The following CGNL1 variants were observed in gnomAD, a reference collection of about 807,000 sequenced individuals.
The protein encoded by CGNL1 is cingulin like 1, also known as cingulin-like protein 1.
Under a neutral mutation model 141.2 loss-of-function variants are expected in CGNL1, and 132 were observed. That is an observed-to-expected ratio of 0.93 (90% confidence interval 0.81 to 1.08). The LOEUF (loss-of-function observed/expected upper bound fraction) is 1.08, where lower values mean the gene tolerates loss of function less well. CGNL1 is among the 50% of genes least tolerant of loss of function. CGNL1 has a pLI of 0.00. For synonymous variants in CGNL1, 690 were observed against 622.1 expected, an observed-to-expected ratio of 1.11 and a Z score of -1.63; for missense variants, 1,870 against 1,588.6, an observed-to-expected ratio of 1.18 and a Z score of -3.01.
chr15:57,539,058 T>A (rs557060201), intron 14 of CGNL1, among the ~76,000 whole-genome samples: 3 of 152,176 alleles, frequency 2.0e-5, no homozygotes, highest in Non-Finnish European at 4.4e-5. Flanking sequence ...GAGGGGCTCT[T>A]GATTCTTGGT....
chr15:57,455,763 A>AG (rs1595722635), intron 7 of CGNL1, among the ~76,000 whole-genome samples: 2 of 152,284 alleles, frequency 1.3e-5, no homozygotes, highest in East Asian at 3.9e-4. Context: ...ATATCTATTA[A>AG]CTGAACATCA....
intron 14 of CGNL1, among the ~76,000 whole-genome samples, chr15:57,541,363 C>A (rs2032554738): frequency 1.3e-5 from 2 of 152,248 alleles, no homozygotes; most frequent in East Asian, 1.9e-4. Flanking sequence ...GTTCTGCTGA[C>A]CTCCATGTGT....
chr15:57,429,656 A>G (rs1664430), intron 1 of CGNL1, among the ~76,000 whole-genome samples: 144,155 of 152,296 alleles, frequency 0.95, 68,387 homozygotes, highest in Middle Eastern at 0.99. Flanking sequence ...TGGCTTCTTC[A>G]TTAGTTAATA....
At chr15:57,509,153 G>A (rs149738369) in intron 8 of CGNL1, among the ~76,000 whole-genome samples, 194 of 152,272 alleles carry the variant, frequency 1.3e-3, no homozygotes, top group African/African-American at 4.5e-3. Context: ...ATGATGGTGA[G>A]AAGACAGTAA....
At chr15:57,378,363 G>GTGTTTTTTTT (rs2062388443) in intron 1 of CGNL1, among the ~76,000 whole-genome samples, 1 of 33,918 alleles carries the variant, frequency 2.9e-5, no homozygotes, top group Non-Finnish European at 5.5e-5. Context: ...CCCTCTATGT[G>GTGTTTTTTTT]TTTTTTTTTT....
chr15:57,473,825 T>A (rs527780642), intron 8 of CGNL1, among the ~76,000 whole-genome samples: 58 of 151,734 alleles, frequency 3.8e-4, no homozygotes, highest in Middle Eastern at 6.8e-3. Context: ...ACTAACATCT[T>A]GACTGCAGCC....
intron 1 of CGNL1, among the ~76,000 whole-genome samples, chr15:57,397,861 C>G (rs112570535): frequency 0.014 from 2,167 of 151,870 alleles, 16 homozygotes; most frequent in Admixed American, 0.018. Flanking sequence ...CAGCTCACTG[C>G]AATCTCCACC....
intron 8 of CGNL1, among the ~76,000 whole-genome samples, chr15:57,489,153 G>A (rs1345411523): frequency 6.6e-6 from 1 of 152,208 alleles, no homozygotes; most frequent in Admixed American, 6.5e-5. Flanking sequence ...ATGAATTGAA[G>A]GTTAGATGGT....
chr15:57,385,888 T>G (rs1248791195), intron 1 of CGNL1, among the ~76,000 whole-genome samples: 4 of 152,238 alleles, frequency 2.6e-5, no homozygotes, highest in African/African-American at 9.6e-5. Context: ...ACGGGAATTA[T>G]CTGGCTTAAA....
intron 4 of CGNL1, among the ~76,000 whole-genome samples, chr15:57,450,429 A>G (rs2063308730): frequency 6.6e-6 from 1 of 152,174 alleles, no homozygotes; most frequent in South Asian, 2.1e-4. Context: ...GACGTGTGCC[A>G]CTACGCCCGG....
chr15:57,450,740 A>C (rs1488646807), intron 4 of CGNL1, among the ~76,000 whole-genome samples: 1 of 152,128 alleles, frequency 6.6e-6, no homozygotes, highest in East Asian at 1.9e-4. Flanking sequence ...CTTGCTTTTC[A>C]GTGCCTGTCA....
intron 8 of CGNL1, among the ~76,000 whole-genome samples, chr15:57,509,061 T>G (rs2029982211): frequency 6.6e-6 from 1 of 152,166 alleles, no homozygotes. Context: ...GGGACTTGCT[T>G]TCCTAACACT....
intron 14 of CGNL1, among the ~76,000 whole-genome samples, chr15:57,540,211 A>G (rs1296856907): frequency 3.3e-5 from 5 of 151,986 alleles, no homozygotes; most frequent in Non-Finnish European, 5.9e-5. Context: ...TACCCTGCCC[A>G]TTGTATTAGC....
At chr15:57,443,900 A>T (rs1203570248) in intron 4 of CGNL1, among the ~76,000 whole-genome samples, 1 of 152,236 alleles carries the variant, frequency 6.6e-6, no homozygotes, top group Non-Finnish European at 1.5e-5. Context: ...GGCTTTGGGT[A>T]TAACTTAGCT....
intron 8 of CGNL1, among the ~76,000 whole-genome samples, chr15:57,478,670 G>T (rs191564318): frequency 2.4e-4 from 37 of 152,178 alleles, no homozygotes; most frequent in African/African-American, 8.9e-4. Flanking sequence ...TGAGAGTCTC[G>T]CACTGTCACC....
chr15:57,450,799 G>A lies in CGNL1; in HGVS notation c.1804-701G>A, dbSNP rs2063312811. 2.0e-5 allele frequency among the ~76,000 whole-genome samples: 3 copies of A among 152,102 alleles called. No homozygotes were observed. The South Asian group carries it at 6.2e-4, about 32-fold the overall frequency. Reference sequence around the variant, plus strand: ...CTAGCTTTCATAGTTTTTGCTGGGAGGGTAAATCTGATATTTGCTACTCTA... The same window carrying A: ...CTAGCTTTCATAGTTTTTGCTGGGAAGGTAAATCTGATATTTGCTACTCTA... On this transcript the variant is annotated intron_variant, in intron 4 of 18. Transcript: ENST00000281282.
At position 57,438,879 on chromosome 15, in the gene CGNL1, C is replaced by T. The variant is rs866239160; in HGVS notation, c.880C>T (p.Arg294Trp). ...ACCCGTCCTGGATGGAGCTCGGTCC[C>T]GGAGGTCCTCCTCGTCATCCACAAC... is the stretch of plus-strand genomic sequence containing the variant. ...AGPVLDGARS[R>W]RSSSSSTTPT... is the part of the protein sequence containing the mutation. The change falls in exon 2 of 19, where the codon CGG becomes TGG. Residue 294 changes from arginine to tryptophan, a missense_variant. Coordinates refer to ENST00000281282, the MANE Select transcript of CGNL1 (RefSeq NM_032866.5). 3 of 1,614,156 alleles carry T rather than the reference C, an allele frequency of 1.9e-6. No individual in the cohort carries two copies. The highest frequency in any genetic ancestry group is 1.7e-5 in the Admixed American group (1 of 60,022).
At chr15:57,454,037 A>ATTCTAGG (rs2063351852) in intron 7 of CGNL1, among the ~76,000 whole-genome samples, 1 of 151,982 alleles carries the variant, frequency 6.6e-6, no homozygotes, top group Non-Finnish European at 1.5e-5. Flanking sequence ...TCTTCTCTAG[A>ATTCTAGG]TTATTATCTT....
At chr15:57,406,651 C>G (rs1298196437) in intron 1 of CGNL1, among the ~76,000 whole-genome samples, 5 of 152,080 alleles carry the variant, frequency 3.3e-5, no homozygotes, top group African/African-American at 1.2e-4. Context: ...CTCAGGAAAC[C>G]CGACACCCGT....
Sources: allele counts gnomAD v4.1 joint callset (sites outside exome capture counted in the v4.1 genomes callset), GRCh38; gene constraint gnomAD v4.1.1; transcripts MANE v1.5; gene names NCBI Gene and HGNC (gene_info 2026-07-23, HGNC 2026-07-21).